Variants in PRKG1 observed in about 807,000 individuals in gnomAD.
PRKG1 encodes cGMP-dependent protein kinase 1.
In PRKG1, 35 loss-of-function variants were observed where a neutral mutation model predicts 88.1. The observed-to-expected ratio is 0.40, with a 90% CI of 0.30 to 0.53. The LOEUF is 0.53. Ranked by LOEUF, PRKG1 falls within the 20% of genes least tolerant of loss-of-function variation. The pLI is 0.59. For missense variants in PRKG1, 540 were observed against 839.8 expected, an observed-to-expected ratio of 0.64 and a Z score of 4.41; for synonymous variants, 303 against 292.5, an observed-to-expected ratio of 1.04 and a Z score of -0.37.
intron 5 of PRKG1, among the ~76,000 whole-genome samples, chr10:51,924,715 C>CTT (rs200481363): frequency 7.0e-6 from 1 of 142,424 alleles, no homozygotes. Flanking sequence ...CTCGAATATT[C>CTT]TTTTTTTTTT....
intron 7 of PRKG1, among the ~76,000 whole-genome samples, chr10:52,122,010 GTGCAGCT>G (rs1847831318): frequency 6.6e-6 from 1 of 152,072 alleles, no homozygotes; most frequent in African/African-American, 2.4e-5. Flanking sequence ...AAGCTATTTT[GTGCAGCT>G]ATAACAGAAT....
At chr10:51,527,896 G>A (rs979643515) in intron 3 of PRKG1, among the ~76,000 whole-genome samples, 3 of 152,266 alleles carry the variant, frequency 2.0e-5, no homozygotes, top group African/African-American at 7.2e-5. Context: ...AAATTCATCT[G>A]TAAAGTGATC....
At chr10:51,510,490 G>T (rs1391634577) in intron 3 of PRKG1, among the ~76,000 whole-genome samples, 1 of 152,004 alleles carries the variant, frequency 6.6e-6, no homozygotes, top group Non-Finnish European at 1.5e-5. Flanking sequence ...CTTACCAAAA[G>T]TATTATAGGT....
intron 3 of PRKG1, among the ~76,000 whole-genome samples, chr10:51,565,261 G>C (rs747310927): frequency 2.6e-5 from 4 of 151,914 alleles, no homozygotes; most frequent in African/African-American, 9.7e-5. Context: ...CTTGAGTTTT[G>C]TCCTGCAATT....
intron 7 of PRKG1, among the ~76,000 whole-genome samples, chr10:52,088,352 T>C (rs1846968144): frequency 6.7e-6 from 1 of 150,282 alleles, no homozygotes; most frequent in Admixed American, 6.7e-5. Flanking sequence ...TAATATATAA[T>C]AAATTGATAT....
intron 3 of PRKG1, among the ~76,000 whole-genome samples, chr10:51,757,961 A>G (rs575446614): frequency 5.9e-5 from 9 of 152,204 alleles, no homozygotes; most frequent in African/African-American, 2.2e-4. Context: ...TAACCGAGAA[A>G]CTCAGATGGT....
rs1271174870 is a variant in PRKG1 at position 51,681,714 on chromosome 10, A to G, written c.593-122871A>G. ...TTTTTAATACATATAATTTTGTAGG[A>G]CTATTTTCTTTAAGTAAGGCTCAGA... On this transcript the variant is annotated intron_variant, in intron 3 of 17. Coordinates refer to ENST00000373980, the MANE Select transcript of PRKG1 (RefSeq NM_006258.4). Among the ~76,000 whole-genome samples the G allele has an allele frequency of 2.6e-5, 4 of 152,240 alleles. No individual in the cohort carries two copies. In the East Asian group the frequency reaches 7.7e-4, roughly 29 times the overall value.
rs765064784 is a variant in PRKG1 at position 52,054,544 on chromosome 10, A to T, written c.823A>T (p.Ile275Phe). ...AGGTGCAAGAGGGGACACCTTCTTT[A>T]TCATCAGCAAAGGAACGGTAAGCTT... Reference protein sequence around the residue: ...RQGARGDTFFIISKGTVNVTR... With the variant: ...RQGARGDTFFFISKGTVNVTR... Residue 275 changes from isoleucine to phenylalanine, a missense_variant, in exon 6 of 18, where the codon ATC becomes TTC. By Grantham distance (21) the Ile-to-Phe change is conservative (BLOSUM62 0). Transcript: ENST00000373980. 1 of 1,613,906 alleles carries T rather than the reference A, an allele frequency of 6.2e-7. No homozygotes were observed.
chr10:52,124,094 A>T (rs1847879869), intron 7 of PRKG1, among the ~76,000 whole-genome samples: 1 of 152,202 alleles, frequency 6.6e-6, no homozygotes, highest in Admixed American at 6.5e-5. Context: ...GACACACTGG[A>T]CAAAGGGAGG....
intron 2 of PRKG1, among the ~76,000 whole-genome samples, chr10:51,437,781 A>T (rs954508374): frequency 2.0e-5 from 3 of 150,812 alleles, no homozygotes; most frequent in Non-Finnish European, 3.0e-5. Flanking sequence ...TCTTCACAGG[A>T]AACATTTTGC....
chr10:51,593,737 T>G (rs568731738), intron 3 of PRKG1, among the ~76,000 whole-genome samples: 54 of 152,134 alleles, frequency 3.5e-4, no homozygotes, highest in African/African-American at 1.2e-3. Flanking sequence ...GTTCCTTTTT[T>G]TTTTTAAGAC....
intron 3 of PRKG1, among the ~76,000 whole-genome samples, chr10:51,494,225 A>G (rs1386596713): frequency 6.6e-6 from 1 of 152,166 alleles, no homozygotes; most frequent in South Asian, 2.1e-4. Flanking sequence ...ACTCAGCTCT[A>G]TAGCTTTGAT....
At chr10:51,206,084 C>G (rs921165722) in intron 2 of PRKG1, among the ~76,000 whole-genome samples, 5 of 152,144 alleles carry the variant, frequency 3.3e-5, no homozygotes, top group African/African-American at 1.2e-4. Context: ...TTTCAAAGTT[C>G]TGTTTTCTGA....
chr10:51,433,720 T>C (rs1367631922), intron 2 of PRKG1, among the ~76,000 whole-genome samples: 1 of 152,154 alleles, frequency 6.6e-6, no homozygotes, highest in African/African-American at 2.4e-5. Context: ...TTAATCCTAG[T>C]GACAATTGTG....
intron 7 of PRKG1, among the ~76,000 whole-genome samples, chr10:52,131,708 G>T (rs1042140089): frequency 6.6e-6 from 1 of 150,702 alleles, no homozygotes. Flanking sequence ...TTAGCCAGGC[G>T]TGGTGGTGGA....
At chr10:52,115,949 T>C (rs1290693797) in intron 7 of PRKG1, among the ~76,000 whole-genome samples, 2 of 152,040 alleles carry the variant, frequency 1.3e-5, no homozygotes, top group African/African-American at 4.8e-5. Context: ...GATTCATGAA[T>C]CAGGCAGCGC....
intron 9 of PRKG1, among the ~76,000 whole-genome samples, chr10:52,167,728 G>A (rs80062613): frequency 6.6e-6 from 1 of 151,936 alleles, no homozygotes; most frequent in African/African-American, 2.4e-5. Context: ...TAGAAAATGA[G>A]TACAGTGTTT....
At chr10:52,160,171 A>C (rs1910540) in intron 8 of PRKG1, among the ~76,000 whole-genome samples, 8,979 of 151,996 alleles carry the variant, frequency 0.059, 794 homozygotes, top group African/African-American at 0.2. Context: ...GTCTAGCCTT[A>C]ACATTCTCTA....
intron 3 of PRKG1, among the ~76,000 whole-genome samples, chr10:51,638,136 A>C (rs1839705043): frequency 6.6e-6 from 1 of 152,222 alleles, no homozygotes; most frequent in South Asian, 2.1e-4. Flanking sequence ...AGTACTAATA[A>C]ACTTTTTACA....
Sources: allele counts gnomAD v4.1 joint callset (sites outside exome capture counted in the v4.1 genomes callset), GRCh38; gene constraint gnomAD v4.1.1; transcripts MANE v1.5; gene names NCBI Gene and HGNC (gene_info 2026-07-23, HGNC 2026-07-21).